Variants in N4BP2 observed in about 807,000 individuals in gnomAD.
N4BP2 encodes NEDD4 binding protein 2.
N4BP2 carries 91 observed loss-of-function variants against 152.8 expected under a neutral mutation model. The observed-to-expected ratio is 0.60, with a 90% CI of 0.50 to 0.71. N4BP2 has a LOEUF of 0.71. Ranked by LOEUF, N4BP2 falls within the 30% of genes least tolerant of loss-of-function variation. The pLI is 0.00. For synonymous variants in N4BP2, 646 were observed against 705.3 expected, an observed-to-expected ratio of 0.92 and a Z score of 1.33; for missense variants, 1,923 against 2,059.1, an observed-to-expected ratio of 0.93 and a Z score of 1.28.
At position 40,120,160 on chromosome 4, in the gene N4BP2, G is replaced by A; in HGVS notation, c.2049G>A (p.Met683Ile). The A allele has an allele frequency of 6.2e-7, 1 of 1,613,176 alleles. No homozygotes were observed. Among genetic ancestry groups the A allele is most frequent in the Non-Finnish European group, 8.5e-7 (1 of 1,179,778 alleles). Residue 683 changes from methionine (M) to isoleucine (I), a missense_variant, in exon 9 of 18, where the codon ATG becomes ATA. Transcript: ENST00000261435. ...CTTTAATTCTGGAAACTCCACACATGTATTTTTCTGACTCTGAAAGCAAAC... is the reference window on the plus strand; with the variant it reads ...CTTTAATTCTGGAAACTCCACACATATATTTTTCTGACTCTGAAAGCAAAC... ...QSALILETPHMYFSDSESKLQ... is the reference protein window; with the variant it reads ...QSALILETPHIYFSDSESKLQ...
intron 13 of N4BP2, among the ~76,000 whole-genome samples, chr4:40,135,290 A>T (rs2110020059): frequency 6.6e-6 from 1 of 151,450 alleles, no homozygotes; most frequent in African/African-American, 2.4e-5. Flanking sequence ...ATCATTTTTG[A>T]TGGCTGCATA....
rs1195343206 is a variant in N4BP2, at chr4:40,156,340, C to G, written c.*2103C>G. 6.6e-6 allele frequency: 1 copy of G among 151,852 alleles called. No individual in the cohort carries two copies. Among genetic ancestry groups the G allele is most frequent in the Non-Finnish European group, 1.5e-5 (1 of 67,882 alleles). The allele number at this position is 151,852 out of a possible 1,614,324, so 9.4% of individuals were successfully genotyped here. A position where few individuals can be genotyped will look rare whatever the true frequency, so the allele number is the denominator to read the frequency against. On this transcript the variant is annotated 3_prime_UTR_variant, in exon 18 of 18. Coordinates refer to ENST00000261435, the MANE Select transcript of N4BP2 (RefSeq NM_018177.6). Reference sequence around the variant, plus strand: ...GGTGTGGTATTCCGTGGGCAGAAGTCAAATGAAAAAAGCTATATTGTTTAC... The same window carrying G: ...GGTGTGGTATTCCGTGGGCAGAAGTGAAATGAAAAAAGCTATATTGTTTAC...
intron 5 of N4BP2, among the ~76,000 whole-genome samples, chr4:40,110,584 CT>C: frequency 6.6e-6 from 1 of 152,318 alleles, no homozygotes; most frequent in South Asian, 2.1e-4. Flanking sequence ...GTCACTTAGA[CT>C]GGAGTGCAGT....
At chr4:40,112,493 T>G (rs1386625728) in intron 6 of N4BP2, among the ~76,000 whole-genome samples, 1 of 152,160 alleles carries the variant, frequency 6.6e-6, no homozygotes, top group Admixed American at 6.5e-5. Context: ...ATTTATTTCC[T>G]TTTCCTCATA....
the N4BP2 span, among the ~76,000 whole-genome samples, chr4:40,172,158 C>T: frequency 6.6e-6 from 1 of 152,110 alleles, no homozygotes. Context: ...AAGTGATCTG[C>T]CCACCTCGGC....
chr4:40,178,297 G>A, the N4BP2 span, among the ~76,000 whole-genome samples: 4 of 152,032 alleles, frequency 2.6e-5, no homozygotes, highest in South Asian at 8.3e-4. Flanking sequence ...GATAGAATCA[G>A]AAATGAATAA....
At chr4:40,064,154 T>C (rs1733860960) in intron 1 of N4BP2, among the ~76,000 whole-genome samples, 1 of 152,212 alleles carries the variant, frequency 6.6e-6, no homozygotes, top group Non-Finnish European at 1.5e-5. Context: ...ATTGGTACTT[T>C]ATTTGTGGTA....
the N4BP2 span, among the ~76,000 whole-genome samples, chr4:40,182,394 T>G: frequency 6.6e-6 from 1 of 152,114 alleles, no homozygotes; most frequent in Non-Finnish European, 1.5e-5. Flanking sequence ...AATAGATCCT[T>G]GTATTTGGTA....
chr4:40,129,580 C>A (rs1023283027), intron 12 of N4BP2, among the ~76,000 whole-genome samples: 1 of 151,990 alleles, frequency 6.6e-6, no homozygotes, highest in Non-Finnish European at 1.5e-5. Flanking sequence ...TTGGCTTTGT[C>A]CCAAGGATAC....
chr4:40,170,635 T>TC, the N4BP2 span, among the ~76,000 whole-genome samples: 1 of 152,146 alleles, frequency 6.6e-6, no homozygotes, highest in Non-Finnish European at 1.5e-5. Context: ...TGAGACCCTG[T>TC]CCCCCAAAAG....
chr4:40,111,187 A>G (rs1006593731), intron 5 of N4BP2, among the ~76,000 whole-genome samples: 7 of 152,222 alleles, frequency 4.6e-5, no homozygotes, highest in Non-Finnish European at 1.0e-4. Context: ...TTTATCCTTC[A>G]TGTTAACATC....
chr4:40,108,840 CA>C (rs1380226722), intron 5 of N4BP2, among the ~76,000 whole-genome samples: 1 of 147,176 alleles, frequency 6.8e-6, no homozygotes, highest in Non-Finnish European at 1.5e-5. Flanking sequence ...TTTTTGGAGA[CA>C]GAGTCCTGCT....
chr4:40,096,945 C>T (rs1012108868), intron 2 of N4BP2, among the ~76,000 whole-genome samples: 5 of 152,010 alleles, frequency 3.3e-5, no homozygotes, highest in East Asian at 1.9e-4. Flanking sequence ...GTGTTCAGTA[C>T]GCATTCTAAT....
At position 40,121,264 on chromosome 4, in the gene N4BP2, G is replaced by T; in HGVS notation, c.3153G>T (p.Pro1051=). ...CAGGAAGATTAGATGGATTTAAGCC[G>T]AAAGTTTTCAATATTAACACAAAAT... ...VLTGRLDGFK[P]KVFNINTKSD... The change falls in exon 9 of 18, where the codon CCG becomes CCT. Residue 1051 remains proline (P), a synonymous_variant. Transcript: ENST00000261435. The T allele has an allele frequency of 1.9e-6, 3 of 1,613,014 alleles. No homozygotes were observed. The highest frequency in any genetic ancestry group is 2.2e-5 in the East Asian group (1 of 44,888).
downstream of N4BP2, chr4:40,158,306 T>C (rs1308728474): frequency 6.6e-6 from 1 of 152,222 alleles, no homozygotes; most frequent in Non-Finnish European, 1.5e-5. Flanking sequence ...GGGTTAAATA[T>C]TTTAAAATAT....
rs1715178607 is a variant in N4BP2 at position 40,097,162 on chromosome 4, G to A, written c.-114-65G>A. On this transcript the variant is annotated intron_variant, in intron 2 of 17. Coordinates refer to ENST00000261435, the MANE Select transcript of N4BP2 (RefSeq NM_018177.6). ...TACTTTCTTAGAGCTAAATAAAGAT[G>A]TCATTCCGATTTTAGAAATGGAAAT... is the stretch of plus-strand genomic sequence containing the variant. 8 of 548,112 alleles carry A rather than the reference G, an allele frequency of 1.5e-5. No individual in the cohort carries two copies. In the South Asian group the frequency reaches 2.0e-4, roughly 13 times the overall value. The allele number at this position is 548,112 out of a possible 1,614,324, so 34.0% of individuals were successfully genotyped here.
chr4:40,130,268 G>T (rs981442052), intron 12 of N4BP2, among the ~76,000 whole-genome samples: 1 of 151,640 alleles, frequency 6.6e-6, no homozygotes, highest in African/African-American at 2.4e-5. Context: ...GGGCTCAAGC[G>T]ATCTGCCCAC....
intron 8 of N4BP2, among the ~76,000 whole-genome samples, chr4:40,118,981 A>T (rs1717604726): frequency 1.3e-5 from 2 of 152,228 alleles, no homozygotes; most frequent in Non-Finnish European, 2.9e-5. Flanking sequence ...GGAATGGGGA[A>T]GAGAAAATTT....
chr4:40,112,278 G>T, intron 6 of N4BP2, 106 bp downstream of exon 6: 1 of 707,090 alleles, frequency 1.4e-6, no homozygotes, highest in South Asian at 1.8e-5. Context: ...CAGAACCTTG[G>T]ATAGTCTGTA....
Sources: gnomAD v4.1 joint callset for allele counts (sites outside exome capture counted in the v4.1 genomes callset) on GRCh38, gnomAD v4.1.1 for gene constraint, MANE v1.5 for transcripts, NCBI Gene and HGNC (gene_info 2026-07-23, HGNC 2026-07-21) for gene names.